Variants in SEMA6A observed in about 807,000 individuals in gnomAD.
SEMA6A encodes semaphorin 6A, also known as semaphorin-6A.
SEMA6A carries 25 observed loss-of-function variants against 96.8 expected under a neutral mutation model. The observed-to-expected ratio is 0.26, with a 90% confidence interval of 0.19 to 0.36. The LOEUF (loss-of-function observed/expected upper bound fraction) is 0.36. Among genes scored for constraint, SEMA6A ranks in the 10% least tolerant of loss-of-function variants. SEMA6A has a pLI of 1.00. For synonymous variants in SEMA6A, 612 were observed against 518.0 expected, an observed-to-expected ratio of 1.18 and a Z score of -2.46; for missense variants, 1,363 against 1,323.1, an observed-to-expected ratio of 1.03 and a Z score of -0.47.
At chr5:116,473,276 CAT>C (rs1208313627) in intron 16 of SEMA6A, among the ~76,000 whole-genome samples, 183 bp from the exon 17 acceptor site, 2 of 152,320 alleles carry the variant, frequency 1.3e-5, no homozygotes, top group East Asian at 1.9e-4. Flanking sequence ...TTCTCACCTC[CAT>C]ATCTCTTCCA....
chr5:116,474,299 CACACACACACAT>C (rs1756333783), intron 16 of SEMA6A, among the ~76,000 whole-genome samples: 1 of 151,830 alleles, frequency 6.6e-6, no homozygotes, highest in Admixed American at 6.6e-5. Context: ...CACACACACA[CACACACACACAT>C]CTTAAAACCT....
chr5:116,502,492 G>C (rs1277159153), intron 2 of SEMA6A, 165 bp from the exon 3 acceptor site: 1 of 602,328 alleles, frequency 1.7e-6, no homozygotes, highest in Admixed American at 2.9e-5. Context: ...AAATATGATA[G>C]AAGAGTGCTC....
At position 116,488,154 on chromosome 5, in the gene SEMA6A, T is replaced by A; in HGVS notation, c.698A>T (p.Tyr233Phe). ...CACTGCTATTTCCCTGAAGAAGAAG[T>A]AGATATAATCTCCGTAATCCACGGC... ...VQAVDYGDYI[Y>F]FFFREIAVEY... Residue 233 changes from tyrosine to phenylalanine, a missense_variant, in exon 9 of 19, where the codon TAC becomes TTC. Physicochemically the swap from Tyr to Phe is conservative, Grantham distance 22. Coordinates refer to ENST00000343348, the MANE Select transcript of SEMA6A (RefSeq NM_020796.5). 1 of 1,612,446 alleles carries A rather than the reference T, an allele frequency of 6.2e-7. No homozygotes were observed. Among genetic ancestry groups the A allele is most frequent in the Non-Finnish European group, 8.5e-7 (1 of 1,179,130 alleles).
At chr5:116,461,717 T>A (rs1755409081) in intron 18 of SEMA6A, among the ~76,000 whole-genome samples, 2 of 152,176 alleles carry the variant, frequency 1.3e-5, no homozygotes, top group Admixed American at 6.5e-5. Flanking sequence ...TATATTTTTT[T>A]AAAGTCTGTG....
At chr5:116,466,532 A>G (rs1259283939) in intron 18 of SEMA6A, among the ~76,000 whole-genome samples, 1 of 152,232 alleles carries the variant, frequency 6.6e-6, no homozygotes, top group Non-Finnish European at 1.5e-5. Context: ...CAGAGTGCCC[A>G]GCACTCTCAG....
At chr5:116,466,741 G>C (rs1337445889) in intron 18 of SEMA6A, among the ~76,000 whole-genome samples, 1 of 152,162 alleles carries the variant, frequency 6.6e-6, no homozygotes, top group African/African-American at 2.4e-5. Context: ...AAAACATATA[G>C]AAGTAAACAA....
At chr5:116,464,425 T>G (rs1366365878) in intron 18 of SEMA6A, among the ~76,000 whole-genome samples, 2 of 152,104 alleles carry the variant, frequency 1.3e-5, no homozygotes, top group Admixed American at 1.3e-4. Flanking sequence ...ACAAGGCCAG[T>G]AGGGTAATGA....
At chr5:116,506,673 G>A (rs894361434) in intron 1 of SEMA6A, among the ~76,000 whole-genome samples, 2 of 151,028 alleles carry the variant, frequency 1.3e-5, no homozygotes, top group Non-Finnish European at 2.9e-5. Context: ...AGGAGAGAAA[G>A]CATCTGGCGG....
chr5:116,473,247 G>A (rs1756263786), intron 16 of SEMA6A, among the ~76,000 whole-genome samples, 154 bp from the exon 17 acceptor site: 1 of 152,210 alleles, frequency 6.6e-6, no homozygotes, highest in African/African-American at 2.4e-5. Context: ...AATGTAAGAT[G>A]CCTTCTACTC....
chr5:116,570,350 G>C (rs534947098), intron 1 of SEMA6A, among the ~76,000 whole-genome samples: 20 of 152,172 alleles, frequency 1.3e-4, no homozygotes, highest in African/African-American at 4.1e-4. Flanking sequence ...AGAGTGGGGG[G>C]GGTTCCTGAT....
At chr5:116,476,324 G>C (rs945267419) in intron 15 of SEMA6A, among the ~76,000 whole-genome samples, 14 of 152,170 alleles carry the variant, frequency 9.2e-5, no homozygotes, top group African/African-American at 3.4e-4. Context: ...CTTCCTTTGG[G>C]GGCACTTTGT....
At chr5:116,460,235 G>C (rs1009184334) in intron 18 of SEMA6A, among the ~76,000 whole-genome samples, 5 of 152,050 alleles carry the variant, frequency 3.3e-5, no homozygotes, top group Non-Finnish European at 7.4e-5. Flanking sequence ...TTCCTTACTT[G>C]AAAGTGGCAT....
chr5:116,449,284 A>G (rs1463318989), intron 18 of SEMA6A: 3 of 702,148 alleles, frequency 4.3e-6, no homozygotes, highest in Non-Finnish European at 2.6e-6. Flanking sequence ...CATTGTTCCT[A>G]TTATGGAAAT....
intron 8 of SEMA6A, among the ~76,000 whole-genome samples, chr5:116,488,482 A>G (rs1211621255): frequency 2.0e-5 from 3 of 152,202 alleles, no homozygotes. Context: ...CCCCTATTAC[A>G]GAGAAGATTT....
At chr5:116,551,673 T>C (rs1760416817) in intron 1 of SEMA6A, among the ~76,000 whole-genome samples, 1 of 152,188 alleles carries the variant, frequency 6.6e-6, no homozygotes, top group South Asian at 2.1e-4. Flanking sequence ...TCTTCTCCCA[T>C]GCACATAGTT....
chr5:116,573,853 G>T (rs1761346593), intron 1 of SEMA6A, among the ~76,000 whole-genome samples: 1 of 152,086 alleles, frequency 6.6e-6, no homozygotes, highest in South Asian at 2.1e-4. Flanking sequence ...CACGCGGGAG[G>T]ATGAGCCTTG....
At chr5:116,524,624 C>T (rs944800185) in intron 1 of SEMA6A, among the ~76,000 whole-genome samples, 1 of 151,642 alleles carries the variant, frequency 6.6e-6, no homozygotes, top group African/African-American at 2.4e-5. Flanking sequence ...AAATCATGAA[C>T]AGTCACCACC....
chr5:116,489,342 G>T (rs530083465), intron 7 of SEMA6A, among the ~76,000 whole-genome samples: 7 of 152,168 alleles, frequency 4.6e-5, no homozygotes, highest in Non-Finnish European at 1.0e-4. Context: ...AAGGATCCTT[G>T]GACACTACTA....
At position 116,445,092 on chromosome 5, in the gene SEMA6A, A is replaced by G. The variant is rs1188132300; in HGVS notation, c.*1521T>C. On this transcript the variant is annotated 3_prime_UTR_variant, in exon 19 of 19. Transcript: ENST00000343348. ...TTGGCACAACTAGAAGGCAGTGTGA[A>G]TTGGAGGGTGTGGTGCTGCCCAGCG... is the stretch of plus-strand genomic sequence containing the variant. 1 of 152,698 alleles carries G rather than the reference A, an allele frequency of 6.5e-6. No individual in the cohort carries two copies. Among genetic ancestry groups the G allele is most frequent in the African/African-American group, 2.4e-5 (1 of 41,462 alleles). The allele number at this position is 152,698 out of a possible 1,614,324, so 9.5% of individuals were successfully genotyped here.
Sources: allele counts gnomAD v4.1 joint callset (sites outside exome capture counted in the v4.1 genomes callset), GRCh38; gene constraint gnomAD v4.1.1; transcripts MANE v1.5; gene names NCBI Gene and HGNC (gene_info 2026-07-23, HGNC 2026-07-21).